Variants in SYNPR observed in about 807,000 individuals in gnomAD.
SYNPR encodes the protein synaptoporin.
Under a neutral mutation model 32.9 loss-of-function variants are expected in SYNPR, and 23 were observed. The ratio of observed to expected loss-of-function variants is 0.70; its 90% confidence interval spans 0.50 to 0.99. The LOEUF (loss-of-function observed/expected upper bound fraction) is 0.99, where lower values mean the gene tolerates loss of function less well. Among genes scored for constraint, SYNPR ranks in the 50% least tolerant of loss-of-function variants. SYNPR has a pLI of 0.00. For missense variants in SYNPR, 318 were observed against 349.3 expected (o/e 0.91, Z 0.71); for synonymous variants, 146 against 135.9 (o/e 1.07, Z -0.52).
chr3:63,523,406 G>A (rs4688414), intron 3 of SYNPR, among the ~76,000 whole-genome samples: 83,392 of 151,936 alleles, frequency 0.55, 23,002 homozygotes, highest in South Asian at 0.69. Flanking sequence ...CAGGGTCACC[G>A]CCAGTTGGCT....
chr3:63,264,066 C>G (rs1220809408), intron 2 of SYNPR, among the ~76,000 whole-genome samples: 1 of 152,124 alleles, frequency 6.6e-6, no homozygotes, highest in African/African-American at 2.4e-5. Flanking sequence ...TCATCTAAGG[C>G]CTAAGTCTGG....
chr3:63,300,769 C>A (rs1431050744), intron 2 of SYNPR, among the ~76,000 whole-genome samples: 1 of 152,042 alleles, frequency 6.6e-6, no homozygotes, highest in Admixed American at 6.6e-5. Context: ...ATGAAGCTAG[C>A]CTGTATCTGA....
intron 3 of SYNPR, among the ~76,000 whole-genome samples, chr3:63,514,426 C>G (rs1701756437): frequency 6.6e-6 from 1 of 152,178 alleles, no homozygotes; most frequent in African/African-American, 2.4e-5. Flanking sequence ...TGCCTGTTGT[C>G]CCTGCTGGAT....
At chr3:63,335,343 A>G (rs368823414) in intron 2 of SYNPR, among the ~76,000 whole-genome samples, 2 of 121,554 alleles carry the variant, frequency 1.6e-5, no homozygotes, top group South Asian at 2.8e-4. Context: ...ACAGAGCGAG[A>G]CTCCGTCTCA....
intron 2 of SYNPR, among the ~76,000 whole-genome samples, chr3:63,325,802 C>G (rs1006810992): frequency 2.6e-5 from 4 of 152,074 alleles, no homozygotes; most frequent in Non-Finnish European, 4.4e-5. Flanking sequence ...GTCCCCACAA[C>G]TGGACCCTGT....
chr3:63,344,304 C>T (rs2087408894), intron 2 of SYNPR, among the ~76,000 whole-genome samples: 1 of 152,264 alleles, frequency 6.6e-6, no homozygotes, highest in East Asian at 1.9e-4. Context: ...TCCTACCTAT[C>T]TTATGATTAG....
intron 2 of SYNPR, among the ~76,000 whole-genome samples, chr3:63,354,345 A>G (rs1051694340): frequency 6.6e-6 from 1 of 152,184 alleles, no homozygotes; most frequent in Non-Finnish European, 1.5e-5. Context: ...CGTCCACATC[A>G]TGATCCAACT....
intron 2 of SYNPR, among the ~76,000 whole-genome samples, chr3:63,312,011 A>G (rs1037510475): frequency 6.6e-6 from 1 of 151,990 alleles, no homozygotes; most frequent in Admixed American, 6.6e-5. Context: ...GTAATACAGG[A>G]TGGTCCCTTT....
intron 2 of SYNPR, among the ~76,000 whole-genome samples, chr3:63,474,494 CA>C (rs1700863048): frequency 6.6e-6 from 1 of 152,070 alleles, no homozygotes; most frequent in Admixed American, 6.5e-5. Flanking sequence ...AGTGAATCAA[CA>C]AAACAAGCCC....
chr3:63,304,150 A>G (rs1415508923), intron 2 of SYNPR, among the ~76,000 whole-genome samples: 1 of 151,994 alleles, frequency 6.6e-6, no homozygotes, highest in Non-Finnish European at 1.5e-5. Context: ...TTTTGAAAAA[A>G]GCAACAGCTG....
chr3:63,237,103 A>G (rs1292484819), intron 1 of SYNPR, among the ~76,000 whole-genome samples: 2 of 152,080 alleles, frequency 1.3e-5, no homozygotes, highest in East Asian at 3.9e-4. Context: ...ATTTATTATA[A>G]ATGGGTCAGA....
intron 2 of SYNPR, among the ~76,000 whole-genome samples, chr3:63,307,322 C>T (rs573051360): frequency 2.0e-5 from 3 of 152,106 alleles, no homozygotes; most frequent in African/African-American, 7.2e-5. Flanking sequence ...TTATGTTCCC[C>T]ATCACCCTTA....
chr3:63,530,477 T>A (rs1264055310), intron 3 of SYNPR, among the ~76,000 whole-genome samples: 1 of 152,218 alleles, frequency 6.6e-6, no homozygotes, highest in Non-Finnish European at 1.5e-5. Flanking sequence ...TACCAGCCTC[T>A]CAGGATTGTT....
chr3:63,426,300 C>T (rs1699891726), intron 2 of SYNPR, among the ~76,000 whole-genome samples: 1 of 152,142 alleles, frequency 6.6e-6, no homozygotes, highest in Non-Finnish European at 1.5e-5. Flanking sequence ...ACTAATTAGG[C>T]ACATGAAGCT....
chr3:63,560,573 C>T (rs1399601935), intron 4 of SYNPR, among the ~76,000 whole-genome samples: 1 of 152,184 alleles, frequency 6.6e-6, no homozygotes, highest in African/African-American at 2.4e-5. Context: ...AGTCCATTCT[C>T]ACACTGCTTT....
chr3:63,476,150 G>GAAA (rs763479601), intron 2 of SYNPR, among the ~76,000 whole-genome samples: 25 of 40,022 alleles, frequency 6.2e-4, no homozygotes, highest in African/African-American at 2.7e-3. Context: ...AGGAAGGAAG[G>GAAA]GAGGGAGGGA....
At chr3:63,411,115 C>T (rs771484805) in intron 2 of SYNPR, among the ~76,000 whole-genome samples, 32 of 152,148 alleles carry the variant, frequency 2.1e-4, no homozygotes, top group African/African-American at 7.5e-4. Context: ...TGATCCGATG[C>T]AATGTGGAAA....
chr3:63,357,332 CTCTT>C (rs1224908683), intron 2 of SYNPR, among the ~76,000 whole-genome samples: 6 of 152,116 alleles, frequency 3.9e-5, no homozygotes, highest in Non-Finnish European at 5.9e-5. Context: ...GCCTTTCTCT[CTCTT>C]TTTTTCTCTC....
At chr3:63,481,035 A>T in intron 3 of SYNPR, 79 bp downstream of exon 3, 1 of 1,539,582 alleles carries the variant, frequency 6.5e-7, no homozygotes. Flanking sequence ...GAAAAAATGC[A>T]GTCTTCCAGG....
Sources: gnomAD v4.1 joint callset for allele counts (sites outside exome capture counted in the v4.1 genomes callset) on GRCh38, gnomAD v4.1.1 for gene constraint, MANE v1.5 for transcripts, NCBI Gene and HGNC (gene_info 2026-07-23, HGNC 2026-07-21) for gene names.